CSNK1G2: variants seen among roughly 807,000 people sequenced by gnomAD.
CSNK1G2 encodes the protein casein kinase I isoform gamma-2.
Under a neutral mutation model 48.0 loss-of-function variants are expected in CSNK1G2, and 11 were observed. The observed-to-expected ratio is 0.23, with a 90% confidence interval of 0.14 to 0.38. The LOEUF is 0.38. Among genes scored for constraint, CSNK1G2 ranks in the 10% least tolerant of loss-of-function variants. CSNK1G2 has a pLI of 1.00. For synonymous variants in CSNK1G2, 337 were observed against 254.1 expected (o/e 1.33, Z -3.10); for missense variants, 446 against 595.5 (o/e 0.75, Z 2.61).
chr19:1,945,661 A>G (rs1368201042), intron 1 of CSNK1G2, among the ~76,000 whole-genome samples: 1 of 152,150 alleles, frequency 6.6e-6, no homozygotes, highest in African/African-American at 2.4e-5. Flanking sequence ...ATCTCCACTA[A>G]AAATACAAAA....
At chr19:1,949,727 C>A (rs757014569) in intron 1 of CSNK1G2, among the ~76,000 whole-genome samples, 1 of 152,222 alleles carries the variant, frequency 6.6e-6, no homozygotes, top group Non-Finnish European at 1.5e-5. Flanking sequence ...GGTCCCCTGC[C>A]GGGTTTTGGG....
At position 1,953,923 on chromosome 19, in the gene CSNK1G2, C is replaced by T. The variant is rs76156271; in HGVS notation, c.-266+12505C>T. 3,379 of 533,952 alleles carry T rather than the reference C, an allele frequency of 6.3e-3. 85 individuals are homozygous for T. Among genetic ancestry groups the T allele is most frequent in the African/African-American group, 0.059 (3,061 of 52,048 alleles). 33.1% of individuals were successfully genotyped at this position (533,952 alleles called of 1,614,324 possible). ...GGCCGGCTGTCCTCGTGGGCGTCTC[C>T]GGTGCAGTCGGCGCGGTGAGGTTGG... On this transcript the variant is annotated intron_variant, in intron 1 of 11. Coordinates refer to ENST00000255641, the MANE Select transcript of CSNK1G2 (RefSeq NM_001319.7).
At chr19:1,949,769 C>T (rs1050105171) in intron 1 of CSNK1G2, among the ~76,000 whole-genome samples, 2 of 152,218 alleles carry the variant, frequency 1.3e-5, no homozygotes, top group African/African-American at 4.8e-5. Flanking sequence ...CGACCACTCC[C>T]CTCTTCCGGT....
intron 2 of CSNK1G2, chr19:1,975,607 A>G: frequency 1.0e-6 from 1 of 985,396 alleles, no homozygotes; most frequent in Non-Finnish European, 1.2e-6. Flanking sequence ...GGGGGGATGA[A>G]TCCACTGTGA....
chr19:1,964,812 C>G (rs1013721899), intron 1 of CSNK1G2, among the ~76,000 whole-genome samples: 2 of 151,320 alleles, frequency 1.3e-5, no homozygotes, highest in Admixed American at 6.6e-5. Flanking sequence ...TGCAAGCTCC[C>G]CCTCCCGGGT....
Position 1,979,326 on chromosome 19 carries a change from C to T in CSNK1G2, c.776C>T (p.Thr259Met). ...SLPWQGLKADTLKERYQKIGD... is the reference protein window; with the variant it reads ...SLPWQGLKADMLKERYQKIGD... Reference sequence around the variant, plus strand: ...GACCACAGACCCCCGCAGGCCGACACGCTCAAGGAGCGGTACCAGAAGATC... The same window carrying T: ...GACCACAGACCCCCGCAGGCCGACATGCTCAAGGAGCGGTACCAGAAGATC... Residue 259 changes from threonine to methionine, a missense_variant, in exon 8 of 12, where the codon ACG becomes ATG. This residue lies in a region of CSNK1G2 where 258 missense variants were observed against 415.9 expected (regional missense o/e 0.62). Coordinates refer to ENST00000255641, the MANE Select transcript of CSNK1G2 (RefSeq NM_001319.7). 1.2e-6 allele frequency: 2 copies of T among 1,601,814 alleles called. No individual in the cohort carries two copies. The highest frequency in any genetic ancestry group is 2.3e-5 in the East Asian group (1 of 44,348).
chr19:1,950,434 T>C (rs115966627), intron 1 of CSNK1G2, among the ~76,000 whole-genome samples: 3,179 of 146,946 alleles, frequency 0.022, 516 homozygotes, highest in African/African-American at 0.069. Context: ...CCACCGCGCC[T>C]GGCCATCAAT....
At chr19:1,963,485 T>G (rs1174247271) in intron 1 of CSNK1G2, among the ~76,000 whole-genome samples, 1 of 152,042 alleles carries the variant, frequency 6.6e-6, no homozygotes, top group African/African-American at 2.4e-5. Flanking sequence ...GTGCTGAGAT[T>G]ACAGGCATGA....
rs531613661 is a variant in CSNK1G2, at chr19:1,963,735, T to C, written c.-265-5773T>C. 1.1e-4 allele frequency among the ~76,000 whole-genome samples: 16 copies of C among 151,986 alleles called. 1 individual carries two copies. The East Asian group carries it at 2.5e-3, about 24-fold the overall frequency. On this transcript the variant is annotated intron_variant, in intron 1 of 11. Transcript: ENST00000255641. The stretch of plus-strand genomic sequence containing the variant: ...GTTGGCCGTGCTGGTCTTGAACTCC[T>C]GACCTCAAGTGATCCACCCACTTTG...
intron 1 of CSNK1G2, among the ~76,000 whole-genome samples, chr19:1,948,326 A>C (rs1281061791): frequency 6.6e-6 from 1 of 151,930 alleles, no homozygotes; most frequent in Non-Finnish European, 1.5e-5. Context: ...GATCGAGACC[A>C]TCCTGGCTAA....
Position 1,941,339 on chromosome 19 carries a change from A to T in CSNK1G2, c.-345A>T, listed in dbSNP as rs2014349983. On this transcript the variant is annotated 5_prime_UTR_variant, in exon 1 of 12. Transcript: ENST00000255641. ...GAGCGCGAGGGGGCGCGGGGCCCGG[A>T]GCGGGGGTCCGCGCTGCGCTGCTGA... The T allele has an allele frequency of 6.8e-6, 1 of 146,428 alleles. No homozygotes were observed. The highest frequency in any genetic ancestry group is 2.5e-5 in the African/African-American group (1 of 40,548). The allele number at this position is 146,428 out of a possible 1,614,324, so 9.1% of individuals were successfully genotyped here.
Position 1,979,974 on chromosome 19 carries a change from C to A in CSNK1G2, c.1150C>A (p.Pro384Thr). 1.3e-6 allele frequency: 2 copies of A among 1,591,468 alleles called. No individual in the cohort carries two copies. The highest frequency in any genetic ancestry group is 1.7e-6 in the Non-Finnish European group (2 of 1,167,926). ...DDPTAGHSNA[P>T]ITAPAEVEVA... ...CCCCACGGCCGGCCACTCCAACGCC[C>A]CGATCACAGCGCCTGCAGAGGTGGA... The change falls in exon 11 of 12, where the codon CCG (proline) becomes ACG (threonine). Residue 384 changes from proline to threonine, a missense_variant. Transcript: ENST00000255641.
At chr19:1,963,972 A>G (rs2015284456) in intron 1 of CSNK1G2, among the ~76,000 whole-genome samples, 1 of 150,858 alleles carries the variant, frequency 6.6e-6, no homozygotes, top group Non-Finnish European at 1.5e-5. Flanking sequence ...ACCCGCCACC[A>G]TGCCCAGCTA....
At chr19:1,948,225 T>C (rs1464945056) in intron 1 of CSNK1G2, among the ~76,000 whole-genome samples, 1 of 152,166 alleles carries the variant, frequency 6.6e-6, no homozygotes, top group Non-Finnish European at 1.5e-5. Flanking sequence ...ACAGCGTTTC[T>C]TAAAATTAAC....
In CSNK1G2 at chr19:1,948,554, A is replaced by AAAC. The variant is rs5826751; in HGVS notation, c.-266+7136_-266+7137insAAC. Reference sequence around the variant, plus strand: ...AAAAAAAAAAACGCAAAAAAAAAAAAGATCCCGTCACACTGACCCAGCTCA... The same window carrying AAAC: ...AAAAAAAAAAACGCAAAAAAAAAAAAAACGATCCCGTCACACTGACCCAGCTCA... On this transcript the variant is annotated intron_variant, in intron 1 of 11. Transcript: ENST00000255641. Among the ~76,000 whole-genome samples, 119 of 142,268 alleles carry AAAC rather than the reference A, an allele frequency of 8.4e-4. 4 individuals carry two copies. Among genetic ancestry groups the AAAC allele is most frequent in the Middle Eastern group, 3.6e-3 (1 of 278 alleles). 93.3% of individuals were successfully genotyped at this position (142,268 alleles called of 152,430 possible). A position where few individuals can be genotyped will look rare whatever the true frequency, so the allele number is the denominator to read the frequency against.
chr19:1,967,319 C>T lies in CSNK1G2; in HGVS notation c.-265-2189C>T, dbSNP rs2015394619. ...ATTTTCGGCGATGGCTGTGCACCCACGGCCCCTCTTCACCCGCGGCCCCTA... is the reference window on the plus strand; with the variant it reads ...ATTTTCGGCGATGGCTGTGCACCCATGGCCCCTCTTCACCCGCGGCCCCTA... On this transcript the variant is annotated intron_variant, in intron 1 of 11. Transcript: ENST00000255641. 3.3e-5 allele frequency among the ~76,000 whole-genome samples: 5 copies of T among 152,288 alleles called. No homozygotes were observed. The South Asian group carries it at 8.3e-4, about 25-fold the overall frequency.
chr19:1,946,301 A>ATTATTTATTTATTTATTTATTTAT (rs1568178945), intron 1 of CSNK1G2, among the ~76,000 whole-genome samples: 1 of 72,834 alleles, frequency 1.4e-5, no homozygotes, highest in Non-Finnish European at 4.6e-5. Context: ...TTATTTATTT[A>ATTATTTATTTATTTATTTATTTAT]TTTTTTTTAA....
intron 1 of CSNK1G2, among the ~76,000 whole-genome samples, chr19:1,966,647 A>G (rs11670034): frequency 0.14 from 21,467 of 152,064 alleles, 2,167 homozygotes; most frequent in African/African-American, 0.28. Context: ...CAATGCTATC[A>G]GACAGCATCA....
chr19:1,954,184 G>C, intron 1 of CSNK1G2: 1 of 391,268 alleles, frequency 2.6e-6, no homozygotes, highest in Admixed American at 3.2e-5. Flanking sequence ...GGCCGCGGCA[G>C]CTCCTGCGCC....
Sources: gnomAD v4.1 joint callset for allele counts (sites outside exome capture counted in the v4.1 genomes callset) on GRCh38, gnomAD v4.1.1 for gene constraint, gnomAD v4.1.1 regional missense constraint, MANE v1.5 for transcripts, NCBI Gene and HGNC (gene_info 2026-07-23, HGNC 2026-07-21) for gene names.